The following PITPNC1 variants were observed in gnomAD, a reference collection of about 807,000 sequenced individuals.
The protein encoded by PITPNC1 is phosphatidylinositol transfer protein cytoplasmic 1.
A neutral mutation model predicts 44.7 loss-of-function variants in PITPNC1; 18 were observed. That is an observed-to-expected ratio of 0.40 (90% CI 0.28 to 0.60). The LOEUF (loss-of-function observed/expected upper bound fraction) is 0.60, where lower values mean the gene tolerates loss of function less well. Ranked by LOEUF, PITPNC1 falls within the 20% of genes least tolerant of loss-of-function variation. The pLI, the probability that PITPNC1 is intolerant of heterozygous loss-of-function variation, is 0.39. For synonymous variants in PITPNC1, 141 were observed against 149.6 expected, an observed-to-expected ratio of 0.94 and a Z score of 0.42; for missense variants, 290 against 418.4, an observed-to-expected ratio of 0.69 and a Z score of 2.68.
At chr17:67,684,999 G>A (rs1462966943) in intron 8 of PITPNC1, among the ~76,000 whole-genome samples, 1 of 152,256 alleles carries the variant, frequency 6.6e-6, no homozygotes, top group Non-Finnish European at 1.5e-5. Flanking sequence ...TGCCTGTTGG[G>A]ATGGTGGGGG....
At position 67,673,223 on chromosome 17, in the gene PITPNC1, T is replaced by C. The variant is rs141468795; in HGVS notation, c.619-2256T>C. 4.7e-3 allele frequency among the ~76,000 whole-genome samples: 709 copies of C among 152,378 alleles called. 6 individuals are homozygous for C. The highest frequency in any genetic ancestry group is 0.016 in the African/African-American group (677 of 41,604). On this transcript the variant is annotated intron_variant, in intron 7 of 8. Transcript: ENST00000581322. ...TCACTGAATTAAAATCCTTCATTTA[T>C]TGAAACATGCTTGAACCTTCCACGA...
In PITPNC1 at chr17:67,401,745, G is replaced by A. The variant is rs556285406; in HGVS notation, c.48+23543G>A. On this transcript the variant is annotated intron_variant, in intron 1 of 8. Transcript: ENST00000581322. Reference sequence around the variant, plus strand: ...TGTAATCCCAGATACTCAGGAGGCTGAGGCAGAGAATTGTTTGAACCCAGG... The same window carrying A: ...TGTAATCCCAGATACTCAGGAGGCTAAGGCAGAGAATTGTTTGAACCCAGG... Among the ~76,000 whole-genome samples, 9 of 152,170 alleles carry A rather than the reference G, an allele frequency of 5.9e-5. No homozygotes were observed. The South Asian group carries it at 1.9e-3, about 32-fold the overall frequency.
intron 1 of PITPNC1, among the ~76,000 whole-genome samples, chr17:67,400,995 C>T (rs956793987): frequency 3.3e-5 from 5 of 151,720 alleles, no homozygotes; most frequent in Admixed American, 6.6e-5. Flanking sequence ...GGTGCCAACT[C>T]GGCTCACTGC....
At chr17:67,486,196 CA>C (rs1417298699) in intron 1 of PITPNC1, among the ~76,000 whole-genome samples, 1 of 151,780 alleles carries the variant, frequency 6.6e-6, no homozygotes, top group Non-Finnish European at 1.5e-5. Flanking sequence ...TTAAATGTGC[CA>C]AAAAATGTTC....
At chr17:67,480,779 A>T (rs906401573) in intron 1 of PITPNC1, among the ~76,000 whole-genome samples, 3 of 152,208 alleles carry the variant, frequency 2.0e-5, no homozygotes, top group Non-Finnish European at 4.4e-5. Flanking sequence ...CACTGTAAGT[A>T]TGCTTATGTT....
At chr17:67,669,402 C>G (rs1048543566) in intron 6 of PITPNC1, 106 bp from the exon 7 acceptor site, 1 of 831,984 alleles carries the variant, frequency 1.2e-6, no homozygotes, top group Non-Finnish European at 1.8e-6. Context: ...AGGCGTGAGC[C>G]ACCACACCCA....
In PITPNC1 at chr17:67,396,411, G is replaced by T. The variant is rs1213791284; in HGVS notation, c.48+18209G>T. On this transcript the variant is annotated intron_variant, in intron 1 of 8. Transcript: ENST00000581322. Reference sequence around the variant, plus strand: ...TTTTGAGATGGAGTCTCATTCTGTTGCCCAGGCTGGAGTGCAGTGGCGTGA... The same window carrying T: ...TTTTGAGATGGAGTCTCATTCTGTTTCCCAGGCTGGAGTGCAGTGGCGTGA... Among the ~76,000 whole-genome samples the T allele has an allele frequency of 1.3e-5, 2 of 151,768 alleles. 1 individual carries two copies. Among genetic ancestry groups the T allele is most frequent in the Admixed American group, 1.3e-4 (2 of 15,228 alleles).
At chr17:67,518,389 C>G (rs1040324331) in intron 1 of PITPNC1, among the ~76,000 whole-genome samples, 4 of 152,140 alleles carry the variant, frequency 2.6e-5, no homozygotes, top group Non-Finnish European at 5.9e-5. Flanking sequence ...TGCCTTCCAG[C>G]CCCCTAAGAA....
intron 1 of PITPNC1, among the ~76,000 whole-genome samples, chr17:67,396,820 A>G (rs2038227006): frequency 6.6e-6 from 1 of 151,296 alleles, no homozygotes; most frequent in South Asian, 2.1e-4. Flanking sequence ...ACACTGGGCT[A>G]ATTAAAAAAA....
At chr17:67,662,162 C>T (rs1447068383) in intron 6 of PITPNC1, among the ~76,000 whole-genome samples, 1 of 151,982 alleles carries the variant, frequency 6.6e-6, no homozygotes, top group African/African-American at 2.4e-5. Flanking sequence ...CCATTGAAAG[C>T]GTACAACTTG....
At chr17:67,532,766 G>A in intron 1 of PITPNC1, 36 bp from the exon 2 acceptor site, 1 of 1,529,658 alleles carries the variant, frequency 6.5e-7, no homozygotes, top group Non-Finnish European at 8.8e-7. Context: ...GGCACGCTGT[G>A]GGGCTGACCT....
chr17:67,500,416 A>G (rs2040010304), intron 1 of PITPNC1, among the ~76,000 whole-genome samples: 1 of 152,208 alleles, frequency 6.6e-6, no homozygotes, highest in Non-Finnish European at 1.5e-5. Context: ...CACATATTAC[A>G]TGATTCCATT....
intron 1 of PITPNC1, among the ~76,000 whole-genome samples, chr17:67,407,889 C>T (rs566005507): frequency 1.6e-3 from 240 of 152,236 alleles, no homozygotes; most frequent in Non-Finnish European, 2.9e-3. Flanking sequence ...TTGAGAGCGG[C>T]ACATCTCAGA....
chr17:67,409,177 C>T (rs548274002), intron 1 of PITPNC1, among the ~76,000 whole-genome samples: 281 of 147,604 alleles, frequency 1.9e-3, no homozygotes, highest in African/African-American at 5.3e-3. Flanking sequence ...CTCCGCTTCC[C>T]GGGTTCACGC....
chr17:67,495,403 CA>C (rs1168941762), intron 1 of PITPNC1, among the ~76,000 whole-genome samples: 3 of 152,050 alleles, frequency 2.0e-5, no homozygotes, highest in Admixed American at 6.6e-5. Flanking sequence ...ATTTTAGGTT[CA>C]GGGGTACATG....
intron 1 of PITPNC1, among the ~76,000 whole-genome samples, chr17:67,412,814 C>G (rs2038523398): frequency 6.6e-6 from 1 of 152,230 alleles, no homozygotes; most frequent in Non-Finnish European, 1.5e-5. Flanking sequence ...GATCCTCCCG[C>G]TTTGGCCTCC....
chr17:67,440,498 T>C (rs1175440334), intron 1 of PITPNC1, among the ~76,000 whole-genome samples: 1 of 137,574 alleles, frequency 7.3e-6, no homozygotes, highest in Non-Finnish European at 1.6e-5. Context: ...TTGCAAGACT[T>C]TTTATTTATT....
chr17:67,480,383 G>A (rs543479745), intron 1 of PITPNC1, among the ~76,000 whole-genome samples: 1 of 152,310 alleles, frequency 6.6e-6, no homozygotes, highest in East Asian at 1.9e-4. Flanking sequence ...TGACAGATAT[G>A]TAAAGGTTTA....
intron 8 of PITPNC1, among the ~76,000 whole-genome samples, chr17:67,684,168 G>A (rs908991302): frequency 4.1e-5 from 6 of 146,524 alleles, no homozygotes; most frequent in African/African-American, 1.0e-4. Flanking sequence ...CTGGAGTGCA[G>A]TGACATGATC....
Sources: gnomAD v4.1 joint callset for allele counts (sites outside exome capture counted in the v4.1 genomes callset) on GRCh38, gnomAD v4.1.1 for gene constraint, MANE v1.5 for transcripts, NCBI Gene and HGNC (gene_info 2026-07-23, HGNC 2026-07-21) for gene names.